The following SPECC1 variants were observed in gnomAD, a reference collection of about 807,000 sequenced individuals.
SPECC1 encodes sperm antigen with calponin homology and coiled-coil domains 1.
Under a neutral mutation model 104.1 loss-of-function variants are expected in SPECC1, and 62 were observed. The observed-to-expected ratio is 0.60, with a 90% confidence interval of 0.49 to 0.74. The LOEUF (loss-of-function observed/expected upper bound fraction) is 0.74, where lower values mean the gene tolerates loss of function less well. Among genes scored for constraint, SPECC1 ranks in the 30% least tolerant of loss-of-function variants. The probability of loss-of-function intolerance (pLI) is 0.00; values close to 1 mark genes in which losing one functional copy is unlikely to be tolerated. For synonymous variants in SPECC1, 513 were observed against 501.6 expected (o/e 1.02, Z -0.30); for missense variants, 1,306 against 1,310.5 (o/e 1.00, Z 0.05).
intron 7 of SPECC1, among the ~76,000 whole-genome samples, chr17:20,244,776 TATC>T (rs2039348947): frequency 1.3e-5 from 2 of 152,190 alleles, no homozygotes; most frequent in African/African-American, 4.8e-5. Flanking sequence ...TTTGAACTAT[TATC>T]ATAAATTAGT....
At chr17:20,189,786 C>T (rs1365818424) in intron 3 of SPECC1, among the ~76,000 whole-genome samples, 2 of 152,042 alleles carry the variant, frequency 1.3e-5, no homozygotes, top group Non-Finnish European at 2.9e-5. Context: ...AATTCTAATC[C>T]AATTTGCTGA....
intron 3 of SPECC1, among the ~76,000 whole-genome samples, chr17:20,154,576 C>A (rs1271338143): frequency 1.3e-5 from 2 of 152,148 alleles, no homozygotes; most frequent in Non-Finnish European, 2.9e-5. Flanking sequence ...TATTCAGGGC[C>A]TTGGAGGCCA....
chr17:20,144,838 A>G (rs890575419), intron 3 of SPECC1, among the ~76,000 whole-genome samples: 43 of 152,324 alleles, frequency 2.8e-4, no homozygotes, highest in African/African-American at 9.9e-4. Context: ...GAGGTGTCAC[A>G]CGCTAGGAGG....
chr17:20,243,781 T>C (rs1377359669), intron 7 of SPECC1, among the ~76,000 whole-genome samples: 1 of 152,240 alleles, frequency 6.6e-6, no homozygotes, highest in Non-Finnish European at 1.5e-5. Context: ...CAGATAAATT[T>C]AGATAACTGA....
intron 1 of SPECC1, among the ~76,000 whole-genome samples, chr17:20,051,129 T>TTTCTTTCC (rs2045754282): frequency 3.1e-5 from 3 of 97,740 alleles, no homozygotes; most frequent in African/African-American, 1.3e-4. Context: ...TCTTTCTTTC[T>TTTCTTTCC]TTCTTTCTTT....
At chr17:20,297,756 A>G (rs539906325) in intron 13 of SPECC1, among the ~76,000 whole-genome samples, 2 of 152,328 alleles carry the variant, frequency 1.3e-5, no homozygotes, top group African/African-American at 2.4e-5. Context: ...CCCCTGACCT[A>G]GAACCTCCTA....
intron 3 of SPECC1, among the ~76,000 whole-genome samples, chr17:20,201,188 C>T (rs1449759507): frequency 1.3e-5 from 2 of 151,670 alleles, no homozygotes; most frequent in African/African-American, 2.4e-5. Flanking sequence ...TGGCTGGGCA[C>T]GGTGGCTCAC....
intron 7 of SPECC1, among the ~76,000 whole-genome samples, chr17:20,233,221 C>A (rs2038708200): frequency 6.6e-6 from 1 of 152,188 alleles, no homozygotes; most frequent in African/African-American, 2.4e-5. Context: ...TCTCAAATAT[C>A]AAACATAGTC....
At chr17:20,156,705 C>G (rs2032588249) in intron 3 of SPECC1, among the ~76,000 whole-genome samples, 1 of 152,154 alleles carries the variant, frequency 6.6e-6, no homozygotes, top group Non-Finnish European at 1.5e-5. Context: ...CCAGAATAGT[C>G]CGTGCTTGTT....
intron 1 of SPECC1, among the ~76,000 whole-genome samples, chr17:20,011,435 T>C (rs1251668252): frequency 6.6e-6 from 1 of 152,188 alleles, no homozygotes; most frequent in East Asian, 1.9e-4. Context: ...AGTATTCTGG[T>C]GTAAGAAAAC....
At chr17:20,214,664 C>T (rs1021981821) in intron 4 of SPECC1, among the ~76,000 whole-genome samples, 2 of 152,124 alleles carry the variant, frequency 1.3e-5, no homozygotes, top group African/African-American at 4.8e-5. Flanking sequence ...CCTGCCACCA[C>T]GCCCAGCTAA....
rs1160349740 is a variant in SPECC1 at position 20,316,078 on chromosome 17, A to G, written c.*2013A>G. 8.6e-6 allele frequency: 2 copies of G among 232,252 alleles called. No homozygotes were observed. Among genetic ancestry groups the G allele is most frequent in the Non-Finnish European group, 1.7e-5 (2 of 117,486 alleles). 14.4% of individuals were successfully genotyped at this position (232,252 alleles called of 1,614,324 possible). A position where few individuals can be genotyped will look rare whatever the true frequency, so the allele number is the denominator to read the frequency against. On this transcript the variant is annotated 3_prime_UTR_variant, in exon 15 of 15. Transcript: ENST00000395527. ...TTGGGCGATGGTCATTACATCACCCATGCCTTTGTATTTAAATGAAACTCG... is the reference window on the plus strand; with the variant it reads ...TTGGGCGATGGTCATTACATCACCCGTGCCTTTGTATTTAAATGAAACTCG...
At chr17:20,071,384 T>G (rs377559570) in intron 1 of SPECC1, among the ~76,000 whole-genome samples, 5 of 151,240 alleles carry the variant, frequency 3.3e-5, no homozygotes, top group African/African-American at 1.2e-4. Context: ...TTGTGTGTGT[T>G]TGTGTGTGTG....
intron 3 of SPECC1, among the ~76,000 whole-genome samples, chr17:20,145,025 C>G (rs1296537992): frequency 6.6e-6 from 1 of 152,180 alleles, no homozygotes; most frequent in Non-Finnish European, 1.5e-5. Flanking sequence ...GTTCAAGATT[C>G]TCTCCTTAAA....
At chr17:20,012,564 T>C (rs914561541) in intron 1 of SPECC1, among the ~76,000 whole-genome samples, 1 of 152,000 alleles carries the variant, frequency 6.6e-6, no homozygotes, top group African/African-American at 2.4e-5. Context: ...ACTTGCTTTT[T>C]GTTAGCATTT....
chr17:20,107,866 C>G (rs751276381), intron 2 of SPECC1, among the ~76,000 whole-genome samples: 1 of 151,966 alleles, frequency 6.6e-6, no homozygotes, highest in Non-Finnish European at 1.5e-5. Context: ...AAAAAATTAG[C>G]CAGGCATAGT....
chr17:20,207,562 G>A (rs1006544888), intron 4 of SPECC1, among the ~76,000 whole-genome samples: 6 of 152,112 alleles, frequency 3.9e-5, no homozygotes, highest in Non-Finnish European at 8.8e-5. Context: ...GCATATCAGT[G>A]AGAAATAATT....
intron 3 of SPECC1, among the ~76,000 whole-genome samples, chr17:20,151,459 G>T (rs942078107): frequency 1.3e-5 from 2 of 152,292 alleles, no homozygotes; most frequent in South Asian, 4.2e-4. Context: ...TTTACAATGG[G>T]TTATTGGGAC....
intron 1 of SPECC1, among the ~76,000 whole-genome samples, chr17:20,040,180 CACATATATTTAT>C (rs2045266699): frequency 6.6e-6 from 1 of 151,984 alleles, no homozygotes. Context: ...CACATATACA[CACATATATTTAT>C]ATATACTTAC....
Sources: allele counts gnomAD v4.1 joint callset (sites outside exome capture counted in the v4.1 genomes callset), GRCh38; gene constraint gnomAD v4.1.1; transcripts MANE v1.5; gene names NCBI Gene and HGNC (gene_info 2026-07-23, HGNC 2026-07-21).